The following SLC6A13 variants were observed in gnomAD, a reference collection of about 807,000 sequenced individuals.
SLC6A13 encodes the protein solute carrier family 6 member 13.
In SLC6A13, 69 loss-of-function variants were observed where a neutral mutation model predicts 72.9. That is an observed-to-expected ratio of 0.95 (90% confidence interval 0.78 to 1.16). The LOEUF is 1.16. SLC6A13 is among the 50% of genes most tolerant of loss of function. The probability of loss-of-function intolerance (pLI) is 0.00; values close to 1 mark genes in which losing one functional copy is unlikely to be tolerated. For missense variants in SLC6A13, 735 were observed against 760.5 expected (o/e 0.97, Z 0.39); for synonymous variants, 303 against 303.0 (o/e 1.00, Z 0.00).
chr12:224,300 C>G, intron 10 of SLC6A13, 101 bp downstream of exon 10: 3 of 1,336,538 alleles, frequency 2.2e-6, no homozygotes, highest in Non-Finnish European at 3.2e-6. Flanking sequence ...CTCCTGTGTC[C>G]CCAAAAGGGC....
In SLC6A13 at chr12:226,706, G is replaced by A. The variant is rs534735835; in HGVS notation, c.936-192C>T. On this transcript the variant is annotated intron_variant, in intron 8 of 14. Coordinates refer to ENST00000343164, the MANE Select transcript of SLC6A13 (RefSeq NM_016615.5). ...CACTGGCTCTCCTCCGACACTCCTC[G>A]GCCCCACCAGCCCAGGGACGGAATA... The A allele has an allele frequency of 5.1e-4, 290 of 570,424 alleles. 2 individuals carry two copies. The highest frequency in any genetic ancestry group is 7.2e-4 in the Non-Finnish European group (242 of 336,860). The allele number at this position is 570,424 out of a possible 1,614,324, so 35.3% of individuals were successfully genotyped here. A position where few individuals can be genotyped will look rare whatever the true frequency, so the allele number is the denominator to read the frequency against.
At chr12:251,543 G>C (rs1942548520) in intron 2 of SLC6A13, among the ~76,000 whole-genome samples, 1 of 151,990 alleles carries the variant, frequency 6.6e-6, no homozygotes. Flanking sequence ...TGAGGCCTTG[G>C]GTTAGGCAAA....
At chr12:260,536 G>A (rs1185753090) in intron 1 of SLC6A13, among the ~76,000 whole-genome samples, 1 of 152,256 alleles carries the variant, frequency 6.6e-6, no homozygotes, top group Non-Finnish European at 1.5e-5. Flanking sequence ...GTGATTGTGA[G>A]TGAAAGGTGT....
At position 221,472 on chromosome 12, in the gene SLC6A13, G is replaced by A. The variant is rs375083326; in HGVS notation, c.1590C>T (p.Gly530=). ...YNKKYTYPWW[G]DALGWLLALS... ...GAGCCAGGAGCCAGCCCAGGGCATC[G>A]CCCCACCACGGGTACGTGTACTTCT... Residue 530 remains glycine, a synonymous_variant, in exon 14 of 15, where the codon GGC becomes GGT. Coordinates refer to ENST00000343164, the MANE Select transcript of SLC6A13 (RefSeq NM_016615.5). The A allele has an allele frequency of 8.1e-6, 13 of 1,613,624 alleles. No homozygotes were observed. The highest frequency in any genetic ancestry group is 2.7e-5 in the African/African-American group (2 of 74,890).
intron 4 of SLC6A13, chr12:238,370 A>G: frequency 7.7e-7 from 1 of 1,305,106 alleles, no homozygotes; most frequent in South Asian, 1.2e-5. Context: ...GAGGGAAGTG[A>G]TGTGTCAGAG....
chr12:236,084 G>A (rs1591838151), intron 6 of SLC6A13, among the ~76,000 whole-genome samples: 1 of 152,152 alleles, frequency 6.6e-6, no homozygotes, highest in South Asian at 2.1e-4. Flanking sequence ...CTTATTAGTA[G>A]TTCTGTTTTT....
rs1278319537 is a variant in SLC6A13, at chr12:221,078, G to A, written c.1687-8C>T. 1.3e-6 allele frequency: 2 copies of A among 1,586,674 alleles called. No individual in the cohort carries two copies. The highest frequency in any genetic ancestry group is 1.7e-6 in the Non-Finnish European group (2 of 1,167,958). Reference sequence around the variant, plus strand: ...CATGAGCTGACGGATTCTCTGCGGGGATAGCAGAGGTGGCTGTCAGGTGGT... The same window carrying A: ...CATGAGCTGACGGATTCTCTGCGGGAATAGCAGAGGTGGCTGTCAGGTGGT... On this transcript the variant is annotated splice_region_variant and splice_polypyrimidine_tract_variant and intron_variant, in intron 14 of 14. Coordinates refer to ENST00000343164, the MANE Select transcript of SLC6A13 (RefSeq NM_016615.5).
intron 4 of SLC6A13, chr12:238,381 T>G: frequency 7.7e-7 from 1 of 1,291,182 alleles, no homozygotes; most frequent in Non-Finnish European, 1.0e-6. Context: ...TGTGTCAGAG[T>G]GGCCGAGAGC....
At chr12:236,754 G>A (rs1453360172) in intron 6 of SLC6A13, among the ~76,000 whole-genome samples, 2 of 152,046 alleles carry the variant, frequency 1.3e-5, no homozygotes, top group Non-Finnish European at 2.9e-5. Context: ...AATTCAGAAT[G>A]CCCTCTTTGC....
intron 13 of SLC6A13, 55 bp downstream of exon 13, chr12:222,477 G>C: frequency 8.6e-7 from 1 of 1,162,594 alleles, no homozygotes; most frequent in Non-Finnish European, 1.2e-6. Context: ...CTCTACCCCT[G>C]CTAGCCACCG....
rs1004082095 is a variant in SLC6A13 at position 236,755 on chromosome 12, C to T, written c.696+403G>A. The stretch of plus-strand genomic sequence containing the variant: ...CAAGAGTTCAGGAGAATTCAGAATG[C>T]CCTCTTTGCTCCAGGGCAAAGAGTC... On this transcript the variant is annotated intron_variant, in intron 6 of 14. Coordinates refer to ENST00000343164, the MANE Select transcript of SLC6A13 (RefSeq NM_016615.5). Among the ~76,000 whole-genome samples the T allele has an allele frequency of 2.6e-5, 4 of 152,078 alleles. No individual in the cohort carries two copies. The South Asian group carries it at 8.3e-4, about 32-fold the overall frequency.
intron 9 of SLC6A13, among the ~76,000 whole-genome samples, chr12:224,987 A>T (rs558420483): frequency 1.3e-4 from 20 of 152,350 alleles, no homozygotes; most frequent in East Asian, 5.8e-4. Context: ...TACCAAAAAA[A>T]TCGCTCCAAG....
At position 237,994 on chromosome 12, in the gene SLC6A13, G is replaced by A; in HGVS notation, c.495C>T (p.Phe165=). 6.2e-7 allele frequency: 1 copy of A among 1,613,844 alleles called. No homozygotes were observed. Among genetic ancestry groups the A allele is most frequent in the Non-Finnish European group, 8.5e-7 (1 of 1,179,802 alleles). ...CATTCAGGGAGCCGTTGGTCTTCTG[G>A]AACTCCATACAGTGTTCTACCCATG... is the stretch of plus-strand genomic sequence containing the variant. ...HEWNTEHCME[F]QKTNGSLNGT... is the part of the protein sequence containing the mutation. Residue 165 remains phenylalanine, a synonymous_variant, in exon 5 of 15, where the codon TTC becomes TTT. Transcript: ENST00000343164.
At chr12:230,829 C>T (rs548228151) in intron 7 of SLC6A13, among the ~76,000 whole-genome samples, 1 of 152,298 alleles carries the variant, frequency 6.6e-6, no homozygotes, top group South Asian at 2.1e-4. Context: ...CAGCAAAGGG[C>T]CTGGCGAATA....
intron 9 of SLC6A13, among the ~76,000 whole-genome samples, chr12:225,418 G>T (rs542612790): frequency 6.6e-6 from 1 of 152,348 alleles, no homozygotes; most frequent in African/African-American, 2.4e-5. Flanking sequence ...GGGAGGCTGG[G>T]GTGGGTGGAT....
At chr12:237,421 G>T in intron 5 of SLC6A13, 131 bp from the exon 6 acceptor site, 4 of 972,250 alleles carry the variant, frequency 4.1e-6, no homozygotes, top group Non-Finnish European at 6.2e-6. Flanking sequence ...CTTCACATGA[G>T]GCCATCCTTA....
chr12:255,866 C>G (rs1942725860), intron 2 of SLC6A13, among the ~76,000 whole-genome samples: 1 of 152,138 alleles, frequency 6.6e-6, no homozygotes, highest in African/African-American at 2.4e-5. Flanking sequence ...TATTCACTTG[C>G]CCAGCTCCAG....
chr12:250,380 A>G (rs1401820446), intron 2 of SLC6A13, among the ~76,000 whole-genome samples: 2 of 150,520 alleles, frequency 1.3e-5, no homozygotes, highest in Non-Finnish European at 2.9e-5. Context: ...ATATTCTACA[A>G]TGAAAATCCT....
chr12:261,925 C>CA (rs1288288943), intron 1 of SLC6A13, among the ~76,000 whole-genome samples: 3 of 130,918 alleles, frequency 2.3e-5, no homozygotes, highest in Admixed American at 7.9e-5. Flanking sequence ...GACTCTGTCT[C>CA]AAAAAAAAGA....
Sources: gnomAD v4.1 joint callset for allele counts (sites outside exome capture counted in the v4.1 genomes callset) on GRCh38, gnomAD v4.1.1 for gene constraint, MANE v1.5 for transcripts, NCBI Gene and HGNC (gene_info 2026-07-23, HGNC 2026-07-21) for gene names.